Variants in C2orf42 observed in about 807,000 individuals in gnomAD.
C2orf42 encodes the protein chromosome 2 open reading frame 42, also known as uncharacterized protein C2orf42.
In C2orf42, 44 loss-of-function variants were observed where a neutral mutation model predicts 58.9. The observed-to-expected ratio is 0.75, with a 90% CI of 0.59 to 0.96. The LOEUF is 0.96. C2orf42 is among the 40% of genes least tolerant of loss of function. C2orf42 has a pLI of 0.00. For missense variants in C2orf42, 630 were observed against 699.2 expected (o/e 0.90, Z 1.12); for synonymous variants, 239 against 265.4 (o/e 0.90, Z 0.97).
intron 2 of C2orf42, 24 bp from the exon 3 acceptor site, chr2:70,182,021 A>C (rs761644102): frequency 9.5e-7 from 1 of 1,051,894 alleles, no homozygotes; most frequent in African/African-American, 1.6e-5. Context: ...TACATCCAAC[A>C]GTATGAGTAT....
intron 9 of C2orf42, among the ~76,000 whole-genome samples, chr2:70,153,235 AG>A (rs1326221687): frequency 6.6e-6 from 1 of 152,090 alleles, no homozygotes; most frequent in Non-Finnish European, 1.5e-5. Flanking sequence ...CCACTGTGGT[AG>A]GAAAGAGAAA....
At chr2:70,151,042 C>T (rs1423528069) in intron 9 of C2orf42, among the ~76,000 whole-genome samples, 1 of 152,168 alleles carries the variant, frequency 6.6e-6, no homozygotes, top group Non-Finnish European at 1.5e-5. Flanking sequence ...CACGCCCAGC[C>T]ATCATGAAGT....
In C2orf42 at chr2:70,150,419, G is replaced by A; in HGVS notation, c.1662C>T (p.Asp554=). 2 of 1,614,146 alleles carry A rather than the reference G, an allele frequency of 1.2e-6. No homozygotes were observed. Among genetic ancestry groups the A allele is most frequent in the Non-Finnish European group, 1.7e-6 (2 of 1,180,030 alleles). The change falls in exon 10 of 10, where the codon GAC becomes GAT. Residue 554 remains aspartate (D), a synonymous_variant. Transcript: ENST00000264434. ...HRNGHVAEYQ[D]QRPPLDQPLE... ...AGGGCTGGTCCAAGGGGGGCCGCTG[G>A]TCTTGGTACTCCGCCACATGCCCAT... is the stretch of plus-strand genomic sequence containing the variant.
At chr2:70,161,556 G>A (rs1673050197) in intron 8 of C2orf42, among the ~76,000 whole-genome samples, 1 of 152,054 alleles carries the variant, frequency 6.6e-6, no homozygotes, top group Non-Finnish European at 1.5e-5. Flanking sequence ...TAAGAGGCAA[G>A]GTCGCTAGGA....
chr2:70,187,514 A>G (rs188512075), intron 1 of C2orf42, among the ~76,000 whole-genome samples: 98 of 152,176 alleles, frequency 6.4e-4, no homozygotes, highest in African/African-American at 2.3e-3. Flanking sequence ...CGGCCTCTCA[A>G]GTGCTGGGAT....
chr2:70,150,264 C>T lies in C2orf42; in HGVS notation c.*92G>A. The T allele has an allele frequency of 9.7e-7, 1 of 1,034,714 alleles. No homozygotes were observed. The highest frequency in any genetic ancestry group is 1.8e-5 in the Admixed American group (1 of 56,158). 64.1% of individuals were successfully genotyped at this position (1,034,714 alleles called of 1,614,324 possible). A position where few individuals can be genotyped will look rare whatever the true frequency, so the allele number is the denominator to read the frequency against. On this transcript the variant is annotated 3_prime_UTR_variant, in exon 10 of 10. Transcript: ENST00000264434. ...TAGCTAAGAGCAGTTTACCAAGGAA[C>T]AGGGCCATCTAAGTGCCTAACTAGC...
chr2:70,163,060 G>T (rs921780947), intron 8 of C2orf42, among the ~76,000 whole-genome samples: 2 of 151,542 alleles, frequency 1.3e-5, no homozygotes, highest in African/African-American at 4.8e-5. Context: ...TTGTGACGGG[G>T]TTTCACCATG....
At chr2:70,151,778 TTTTG>T (rs148526345) in intron 9 of C2orf42, among the ~76,000 whole-genome samples, 22,630 of 151,864 alleles carry the variant, frequency 0.15, 2,664 homozygotes, top group African/African-American at 0.32. Context: ...TATTTTACTT[TTTTG>T]TTTGTTTGTT....
intron 9 of C2orf42, among the ~76,000 whole-genome samples, chr2:70,151,227 T>C (rs183130776): frequency 2.0e-5 from 3 of 152,272 alleles, no homozygotes; most frequent in Middle Eastern, 3.4e-3. Flanking sequence ...AATGTGCCCA[T>C]AGTCCCAACT....
chr2:70,189,715 CAA>C (rs35750741), intron 1 of C2orf42, among the ~76,000 whole-genome samples: 40 of 72,302 alleles, frequency 5.5e-4, no homozygotes, highest in Admixed American at 2.3e-3. Context: ...GACTCCGTCT[CAA>C]AAAAAAAAAA....
At chr2:70,162,787 C>T (rs768211050) in intron 8 of C2orf42, among the ~76,000 whole-genome samples, 1 of 151,950 alleles carries the variant, frequency 6.6e-6, no homozygotes, top group Non-Finnish European at 1.5e-5. Flanking sequence ...CTGTAGCTAT[C>T]AAACAACTTA....
At chr2:70,170,715 C>T (rs1054865014) in intron 5 of C2orf42, among the ~76,000 whole-genome samples, 3 of 148,182 alleles carry the variant, frequency 2.0e-5, no homozygotes, top group Admixed American at 6.8e-5. Flanking sequence ...GATCGTGCCA[C>T]AGCACTCCAG....
chr2:70,181,096 C>A, intron 3 of C2orf42, 67 bp downstream of exon 3: 2 of 822,166 alleles, frequency 2.4e-6, no homozygotes, highest in Non-Finnish European at 3.8e-6. Flanking sequence ...TCTCCAAATG[C>A]ATCAGTGGAA....
intron 2 of C2orf42, chr2:70,182,401 A>G (rs1674645090): frequency 6.2e-6 from 1 of 160,598 alleles, no homozygotes; most frequent in African/African-American, 2.4e-5. Context: ...CCTGGCTGCT[A>G]TCCACTATTT....
At position 70,151,145 on chromosome 2, in the gene C2orf42, A is replaced by G. The variant is rs540344967; in HGVS notation, c.1517-581T>C. ...GGCGAGAGGATAGCTTGAGGCCAGG[A>G]GTTTAAGACCAGCCTATGCAACAAA... On this transcript the variant is annotated intron_variant, in intron 9 of 9. Transcript: ENST00000264434. Among the ~76,000 whole-genome samples the G allele has an allele frequency of 4.6e-5, 7 of 152,320 alleles. No individual in the cohort carries two copies. The East Asian group carries it at 5.8e-4, about 13-fold the overall frequency.
intron 6 of C2orf42, among the ~76,000 whole-genome samples, chr2:70,167,098 C>A (rs1382950505): frequency 6.6e-6 from 1 of 152,178 alleles, no homozygotes; most frequent in Non-Finnish European, 1.5e-5. Context: ...GTGGCTCACA[C>A]CTGTAATCCC....
chr2:70,188,299 T>C (rs1675091039), intron 1 of C2orf42, among the ~76,000 whole-genome samples: 1 of 152,120 alleles, frequency 6.6e-6, no homozygotes, highest in Admixed American at 6.6e-5. Flanking sequence ...GCAATTCTCC[T>C]GCCTCAGCCT....
chr2:70,163,164 G>A (rs532219768), intron 8 of C2orf42, among the ~76,000 whole-genome samples: 15 of 150,634 alleles, frequency 1.0e-4, no homozygotes, highest in East Asian at 4.0e-4. Context: ...CACCGTGCGC[G>A]GCCTGAATTT....
At position 70,178,041 on chromosome 2, in the gene C2orf42, T is replaced by TA. The variant is rs556199463; in HGVS notation, c.934+1490dup. Among the ~76,000 whole-genome samples, 78 of 152,224 alleles carry TA rather than the reference T, an allele frequency of 5.1e-4. No homozygotes were observed. The Middle Eastern group carries it at 0.014, about 27-fold the overall frequency. On this transcript the variant is annotated intron_variant, in intron 4 of 9. Coordinates refer to ENST00000264434, the MANE Select transcript of C2orf42 (RefSeq NM_017880.3). ...GGCAACAGAGTGAGAACTCATCTCTTAAAAAACAAACAAACAAACAAACAA... is the reference window on the plus strand; with the variant it reads ...GGCAACAGAGTGAGAACTCATCTCTTAAAAAAACAAACAAACAAACAAACAA...
Sources: gnomAD v4.1 joint callset for allele counts (sites outside exome capture counted in the v4.1 genomes callset) on GRCh38, gnomAD v4.1.1 for gene constraint, MANE v1.5 for transcripts, NCBI Gene and HGNC (gene_info 2026-07-23, HGNC 2026-07-21) for gene names.